CTNNA3: variants seen among roughly 807,000 people sequenced by gnomAD.
The protein encoded by CTNNA3 is catenin alpha 3.
In CTNNA3, 76 loss-of-function variants were observed where a neutral mutation model predicts 95.7. The ratio of observed to expected loss-of-function variants is 0.79; its 90% CI spans 0.66 to 0.96. The LOEUF is 0.96. Ranked by LOEUF, CTNNA3 falls within the 40% of genes least tolerant of loss-of-function variation. The probability of loss-of-function intolerance (pLI) is 0.00; values close to 1 mark genes in which losing one functional copy is unlikely to be tolerated. For missense variants in CTNNA3, 1,191 were observed against 1,089.8 expected (o/e 1.09, Z -1.31); for synonymous variants, 431 against 374.4 (o/e 1.15, Z -1.74).
At chr10:66,346,973 C>T (rs577075976) in intron 12 of CTNNA3, among the ~76,000 whole-genome samples, 14 of 150,258 alleles carry the variant, frequency 9.3e-5, no homozygotes, top group East Asian at 7.8e-4. Flanking sequence ...TATAAATCTT[C>T]GGTAGAAAAA....
At chr10:67,394,805 A>G (rs1465526184) in intron 5 of CTNNA3, among the ~76,000 whole-genome samples, 2 of 152,188 alleles carry the variant, frequency 1.3e-5, no homozygotes, top group East Asian at 1.9e-4. Flanking sequence ...TTATTACTAC[A>G]TAGCTCAAAA....
Position 67,524,210 on chromosome 10 carries a change from T to A in CTNNA3, c.460-2249A>T, listed in dbSNP as rs145306219. 0.029 allele frequency among the ~76,000 whole-genome samples: 4,414 copies of A among 151,978 alleles called. 426 individuals carry two copies. The East Asian group carries it at 0.36, about 12-fold the overall frequency. ...CGAGGTCAGGAGATCGAGACTATCC[T>A]GGCTAACACGGTGAAACCCCGTCTC... On this transcript the variant is annotated intron_variant, in intron 4 of 17. Transcript: ENST00000433211.
chr10:66,483,693 A>T (rs1839622564), intron 11 of CTNNA3, among the ~76,000 whole-genome samples: 1 of 152,108 alleles, frequency 6.6e-6, no homozygotes, highest in Non-Finnish European at 1.5e-5. Flanking sequence ...GGAACTCTGC[A>T]GTTCACGGAA....
intron 7 of CTNNA3, among the ~76,000 whole-genome samples, chr10:67,003,252 T>C (rs1284325037): frequency 6.6e-6 from 1 of 152,194 alleles, no homozygotes; most frequent in Non-Finnish European, 1.5e-5. Flanking sequence ...ACGAAATTAA[T>C]GTCCATGACT....
chr10:67,070,989 T>C (rs1444612021), intron 7 of CTNNA3, among the ~76,000 whole-genome samples: 1 of 152,196 alleles, frequency 6.6e-6, no homozygotes, highest in Non-Finnish European at 1.5e-5. Flanking sequence ...CATTCTTGAG[T>C]TGGTTCTATA....
chr10:67,359,789 T>A (rs1024121185), intron 5 of CTNNA3, among the ~76,000 whole-genome samples: 46 of 152,072 alleles, frequency 3.0e-4, no homozygotes, highest in African/African-American at 1.1e-3. Flanking sequence ...GAGTACCTAG[T>A]CCAGGAAAAT....
At chr10:67,041,060 G>C (rs1854360589) in intron 7 of CTNNA3, among the ~76,000 whole-genome samples, 1 of 152,060 alleles carries the variant, frequency 6.6e-6, no homozygotes, top group Non-Finnish European at 1.5e-5. Context: ...AAAACACTTA[G>C]AATTGTACTG....
intron 5 of CTNNA3, among the ~76,000 whole-genome samples, chr10:67,247,997 A>C (rs1016863488): frequency 6.6e-6 from 1 of 152,196 alleles, no homozygotes; most frequent in Non-Finnish European, 1.5e-5. Flanking sequence ...ATTTTCAACA[A>C]GGGTATCATG....
chr10:67,451,755 A>G (rs1013599765), intron 5 of CTNNA3, among the ~76,000 whole-genome samples: 1 of 152,210 alleles, frequency 6.6e-6, no homozygotes, highest in Admixed American at 6.6e-5. Context: ...ACACATTCTC[A>G]GTTCCCAGCT....
chr10:67,317,688 G>C (rs1367930007), intron 5 of CTNNA3, among the ~76,000 whole-genome samples: 1 of 152,110 alleles, frequency 6.6e-6, no homozygotes, highest in African/African-American at 2.4e-5. Context: ...GCCTCCCAAA[G>C]GGCTGGGATT....
chr10:66,122,925 C>A (rs1272564903), intron 13 of CTNNA3, among the ~76,000 whole-genome samples: 1 of 152,150 alleles, frequency 6.6e-6, no homozygotes. Context: ...AGGTTCCTCC[C>A]ATGACATGTG....
chr10:66,642,126 T>C (rs1285891592), intron 9 of CTNNA3, among the ~76,000 whole-genome samples: 1 of 152,056 alleles, frequency 6.6e-6, no homozygotes, highest in African/African-American at 2.4e-5. Context: ...AGATGTTCTT[T>C]GGGTCAGGCT....
chr10:66,566,585 AC>A (rs34980226), intron 10 of CTNNA3, among the ~76,000 whole-genome samples: 38,562 of 152,064 alleles, frequency 0.25, 5,650 homozygotes, highest in Middle Eastern at 0.42. Flanking sequence ...TGACTAGTTG[AC>A]ACATGGTAAG....
At chr10:66,190,081 C>T (rs1188716413) in intron 13 of CTNNA3, among the ~76,000 whole-genome samples, 1 of 152,118 alleles carries the variant, frequency 6.6e-6, no homozygotes, top group African/African-American at 2.4e-5. Flanking sequence ...AGCTCAACAA[C>T]TTCCAGTTAA....
At chr10:66,823,332 G>C (rs1250333222) in intron 7 of CTNNA3, among the ~76,000 whole-genome samples, 1 of 152,074 alleles carries the variant, frequency 6.6e-6, no homozygotes, top group African/African-American at 2.4e-5. Context: ...ACAAAATTCT[G>C]AATGCAAAAT....
chr10:66,638,751 G>A (rs1348216278), intron 9 of CTNNA3, among the ~76,000 whole-genome samples: 1 of 151,350 alleles, frequency 6.6e-6, no homozygotes, highest in East Asian at 2.0e-4. Flanking sequence ...ACCTACCTTT[G>A]TTGATTTCTG....
chr10:66,507,778 C>T (rs1297743814), intron 11 of CTNNA3, among the ~76,000 whole-genome samples: 3 of 152,036 alleles, frequency 2.0e-5, no homozygotes, highest in Admixed American at 2.0e-4. Context: ...TCATTCCATA[C>T]CCTGGCTATT....
chr10:66,521,361 A>G (rs1377607433), intron 10 of CTNNA3, among the ~76,000 whole-genome samples: 3 of 152,136 alleles, frequency 2.0e-5, no homozygotes, highest in Admixed American at 6.6e-5. Flanking sequence ...GATTCTGGTA[A>G]TTTAAACATG....
chr10:66,645,732 C>T lies in CTNNA3; in HGVS notation c.1282-23948G>A, dbSNP rs574686651. On this transcript the variant is annotated intron_variant, in intron 9 of 17. Coordinates refer to ENST00000433211, the MANE Select transcript of CTNNA3 (RefSeq NM_013266.4). Reference sequence around the variant, plus strand: ...CCAACCCTATTGTGAACAGCACATGCAAGAAATCTAGGTTGCACGTCCTTT... The same window carrying T: ...CCAACCCTATTGTGAACAGCACATGTAAGAAATCTAGGTTGCACGTCCTTT... Among the ~76,000 whole-genome samples the T allele has an allele frequency of 9.2e-5, 14 of 152,252 alleles. No individual in the cohort carries two copies. In the South Asian group the frequency reaches 2.5e-3, roughly 27 times the overall value.
Sources: gnomAD v4.1 joint callset for allele counts (sites outside exome capture counted in the v4.1 genomes callset) on GRCh38, gnomAD v4.1.1 for gene constraint, MANE v1.5 for transcripts, NCBI Gene and HGNC (gene_info 2026-07-23, HGNC 2026-07-21) for gene names.